Variants in ERO1A observed in about 807,000 individuals in gnomAD.
ERO1A encodes the protein endoplasmic reticulum oxidoreductase 1 alpha.
ERO1A carries 49 observed loss-of-function variants against 76.9 expected under a neutral mutation model. The observed-to-expected ratio is 0.64, with a 90% CI of 0.51 to 0.81. The LOEUF (loss-of-function observed/expected upper bound fraction) is 0.81. Ranked by LOEUF, ERO1A falls within the 30% of genes least tolerant of loss-of-function variation. The pLI is 0.00. For synonymous variants in ERO1A, 174 were observed against 181.2 expected, an observed-to-expected ratio of 0.96 and a Z score of 0.32; for missense variants, 448 against 542.1, an observed-to-expected ratio of 0.83 and a Z score of 1.72.
intron 6 of ERO1A, among the ~76,000 whole-genome samples, chr14:52,666,856 G>A (rs757999044): frequency 9.8e-5 from 15 of 152,290 alleles, no homozygotes; most frequent in African/African-American, 2.4e-4. Flanking sequence ...ACTTGAACCC[G>A]GGAGGCGGAG....
chr14:52,663,472 C>T (rs1267343726), intron 8 of ERO1A, among the ~76,000 whole-genome samples: 1 of 151,390 alleles, frequency 6.6e-6, no homozygotes, highest in Non-Finnish European at 1.5e-5. Context: ...TTGTGGCGGG[C>T]GCCTGTAGTC....
intron 7 of ERO1A, among the ~76,000 whole-genome samples, chr14:52,664,969 AAAT>A (rs1315756899): frequency 2.6e-5 from 4 of 151,878 alleles, no homozygotes; most frequent in Admixed American, 2.6e-4. Context: ...TTCACACTAA[AAAT>A]AACAACAACA....
chr14:52,654,210 T>A (rs774286192), intron 11 of ERO1A, among the ~76,000 whole-genome samples: 1 of 152,146 alleles, frequency 6.6e-6, no homozygotes, highest in South Asian at 2.1e-4. Flanking sequence ...GCTAGACTTA[T>A]AATTTTCTTG....
chr14:52,646,571 C>A, intron 13 of ERO1A, 110 bp from the exon 14 acceptor site: 1 of 719,812 alleles, frequency 1.4e-6, no homozygotes, highest in Non-Finnish European at 2.3e-6. Flanking sequence ...TATGGGGTAC[C>A]AAAAATGAGA....
rs752896637 is a variant in ERO1A at position 52,657,978 on chromosome 14, T to C, written c.747A>G (p.Arg249=). ...GLCVEKRAFY[R]LISGLHASIN... The stretch of plus-strand genomic sequence containing the variant: ...TGCTTGCATGTAGGCCAGATATAAG[T>C]CTGTAGAATGCTCTTTTTTCTACAC... The change falls in exon 11 of 16, where the codon AGA becomes AGG. Residue 249 remains arginine, a synonymous_variant. Transcript: ENST00000395686. 6.2e-7 allele frequency: 1 copy of C among 1,612,096 alleles called. No individual in the cohort carries two copies. The highest frequency in any genetic ancestry group is 1.7e-5 in the Admixed American group (1 of 59,760).
intron 7 of ERO1A, 24 bp from the exon 8 acceptor site, chr14:52,663,871 T>C: frequency 7.3e-7 from 1 of 1,371,684 alleles, no homozygotes; most frequent in Non-Finnish European, 1.0e-6. Flanking sequence ...GAATTAAAAA[T>C]ATCAACACAA....
intron 6 of ERO1A, among the ~76,000 whole-genome samples, chr14:52,668,568 T>TCCCTCTCCCTCTCCC: frequency 6.6e-6 from 1 of 151,442 alleles, no homozygotes; most frequent in East Asian, 1.9e-4. Flanking sequence ...AAAATAAAAA[T>TCCCTCTCCCTCTCCC]GAAATAAAAT....
At chr14:52,670,327 T>C (rs2040555470) in intron 6 of ERO1A, among the ~76,000 whole-genome samples, 1 of 152,216 alleles carries the variant, frequency 6.6e-6, no homozygotes, top group African/African-American at 2.4e-5. Flanking sequence ...AAAAAGGAAA[T>C]ACTAGAAAAA....
Position 52,653,104 on chromosome 14 carries a change from G to GTTT in ERO1A, c.1017_1019dup (p.Glu339_Asn340insLys). 6.4e-7 allele frequency: 1 copy of GTTT among 1,571,396 alleles called. No individual in the cohort carries two copies. The highest frequency in any genetic ancestry group is 8.8e-7 in the Non-Finnish European group (1 of 1,141,612). ...GAAGTATTTCCAGAAGTAACATTTT[G>GTTT]TTTTCCTCATCCTGAATTTTATTTC... is the stretch of plus-strand genomic sequence containing the variant. On this transcript the variant is annotated inframe_insertion, in exon 12 of 16. Coordinates refer to ENST00000395686, the MANE Select transcript of ERO1A (RefSeq NM_014584.3).
chr14:52,646,118 T>G (rs2039644867), intron 15 of ERO1A, 36 bp downstream of exon 15: 1 of 1,582,064 alleles, frequency 6.3e-7, no homozygotes, highest in African/African-American at 1.4e-5. Flanking sequence ...TAGACTTACT[T>G]GGCTACCAGA....
intron 1 of ERO1A, among the ~76,000 whole-genome samples, chr14:52,687,042 A>G (rs2041200496): frequency 6.6e-6 from 1 of 152,226 alleles, no homozygotes; most frequent in East Asian, 1.9e-4. Context: ...AATCCATGCC[A>G]TCTGACAACT....
Position 52,639,967 on chromosome 14 carries a change from C to A in ERO1A, c.*3603G>T, listed in dbSNP as rs1472641848. The A allele has an allele frequency of 2.0e-5, 3 of 152,152 alleles. No homozygotes were observed. Among genetic ancestry groups the A allele is most frequent in the African/African-American group, 7.2e-5 (3 of 41,436 alleles). 9.4% of individuals were successfully genotyped at this position (152,152 alleles called of 1,614,324 possible). A position where few individuals can be genotyped will look rare whatever the true frequency, so the allele number is the denominator to read the frequency against. ...CCCTAAAGTCTACAAATCCTTGGGA[C>A]TCTACTGACCCTTGCTGTAAAGTGA... is the stretch of plus-strand genomic sequence containing the variant. On this transcript the variant is annotated 3_prime_UTR_variant, in exon 16 of 16. Coordinates refer to ENST00000395686, the MANE Select transcript of ERO1A (RefSeq NM_014584.3).
chr14:52,658,989 A>C (rs1033504055), intron 9 of ERO1A, among the ~76,000 whole-genome samples: 7 of 152,210 alleles, frequency 4.6e-5, no homozygotes, highest in Non-Finnish European at 4.4e-5. Context: ...AAGCATAAAA[A>C]TAATGGAAGG....
chr14:52,691,973 A>T (rs1263221557), intron 1 of ERO1A, among the ~76,000 whole-genome samples: 1 of 152,260 alleles, frequency 6.6e-6, no homozygotes, highest in East Asian at 1.9e-4. Context: ...CAGTGAAAAT[A>T]ATTTTAGCAG....
At chr14:52,672,719 A>G (rs1400540093) in intron 4 of ERO1A, among the ~76,000 whole-genome samples, 1 of 149,612 alleles carries the variant, frequency 6.7e-6, no homozygotes, top group Non-Finnish European at 1.5e-5. Context: ...ACAGTGAACT[A>G]TATAATCTTA....
At chr14:52,647,296 A>G (rs2139628010) in intron 13 of ERO1A, among the ~76,000 whole-genome samples, 1 of 151,026 alleles carries the variant, frequency 6.6e-6, no homozygotes, top group East Asian at 1.9e-4. Flanking sequence ...CACTGTGCCC[A>G]GCCCTTTGGT....
In ERO1A at chr14:52,646,158, C is replaced by A; in HGVS notation, c.1342G>T (p.Gly448Ter). The A allele has an allele frequency of 6.2e-7, 1 of 1,609,542 alleles. No individual in the cohort carries two copies. The highest frequency in any genetic ancestry group is 1.1e-5 in the South Asian group (1 of 90,114). The part of the protein sequence containing the change: ...QEIVSLFNAF[G>*]RISTSVKELE... ...TTTCAGTACATTCAAACTAACCTTC[C>A]AAATGCGTTGAATAATGATACTATT... The change falls in exon 15 of 16, where the codon GGA (glycine) becomes TGA (stop). Residue 448 changes from glycine (G) to a stop codon, truncating the protein, a stop_gained. Coordinates refer to ENST00000395686, the MANE Select transcript of ERO1A (RefSeq NM_014584.3). LOFTEE classifies it high-confidence loss of function.
intron 4 of ERO1A, 126 bp downstream of exon 4, chr14:52,678,308 A>G (rs539752371): frequency 7.2e-4 from 423 of 585,242 alleles, no homozygotes; most frequent in Non-Finnish European, 1.1e-3. Context: ...AGAGCCATTC[A>G]GCATAAATAC....
At chr14:52,687,884 C>T (rs1038696274) in intron 1 of ERO1A, among the ~76,000 whole-genome samples, 4 of 152,150 alleles carry the variant, frequency 2.6e-5, no homozygotes, top group African/African-American at 9.7e-5. Context: ...ACATGGACCA[C>T]TTCAAAATTC....
Sources: allele counts gnomAD v4.1 joint callset (sites outside exome capture counted in the v4.1 genomes callset), GRCh38; gene constraint gnomAD v4.1.1; transcripts MANE v1.5; gene names NCBI Gene and HGNC (gene_info 2026-07-23, HGNC 2026-07-21).